The following USP47 variants were observed in gnomAD, a reference collection of about 807,000 sequenced individuals.
The protein encoded by USP47 is ubiquitin specific peptidase 47, also known as ubiquitin carboxyl-terminal hydrolase 47.
Under a neutral mutation model 165.1 loss-of-function variants are expected in USP47, and 35 were observed. The observed-to-expected ratio is 0.21, with a 90% CI of 0.16 to 0.28. The LOEUF is 0.28. USP47 is among the 10% of genes least tolerant of loss of function. USP47 has a pLI of 1.00. For synonymous variants in USP47, 531 were observed against 544.5 expected, an observed-to-expected ratio of 0.98 and a Z score of 0.35; for missense variants, 1,277 against 1,607.4, an observed-to-expected ratio of 0.79 and a Z score of 3.52.
chr11:11,892,837 AAAAG>A (rs1488252698), intron 4 of USP47, among the ~76,000 whole-genome samples: 1 of 150,582 alleles, frequency 6.6e-6, no homozygotes, highest in Non-Finnish European at 1.5e-5. Context: ...AAAAAAAAGA[AAAAG>A]AAAAAAAAAA....
chr11:11,907,853 T>C (rs1852674738), intron 8 of USP47, among the ~76,000 whole-genome samples: 1 of 152,174 alleles, frequency 6.6e-6, no homozygotes, highest in Admixed American at 6.5e-5. Flanking sequence ...CCCAGCACTT[T>C]AGAAAGCCGA....
intron 17 of USP47, among the ~76,000 whole-genome samples, chr11:11,937,223 G>A (rs77564718): frequency 0.023 from 3,478 of 151,902 alleles, 136 homozygotes; most frequent in African/African-American, 0.078. Context: ...GTAACAAATA[G>A]AAGAAAAGCA....
intron 1 of USP47, among the ~76,000 whole-genome samples, chr11:11,850,655 A>G (rs574017623): frequency 1.2e-4 from 19 of 152,264 alleles, no homozygotes; most frequent in South Asian, 2.1e-4. Context: ...TTGTGTGATT[A>G]TGGTTTTTTG....
chr11:11,868,022 C>T (rs375083316), intron 1 of USP47, among the ~76,000 whole-genome samples: 1 of 152,098 alleles, frequency 6.6e-6, no homozygotes, highest in South Asian at 2.1e-4. Context: ...CTTTCAGTCT[C>T]TAGGAAGGAG....
intron 3 of USP47, among the ~76,000 whole-genome samples, chr11:11,886,824 T>C (rs1851194191): frequency 6.6e-6 from 1 of 151,924 alleles, no homozygotes; most frequent in African/African-American, 2.4e-5. Flanking sequence ...AAATAAAAAA[T>C]GTTAAGGGTA....
At chr11:11,939,519 T>G (rs1054778513) in intron 18 of USP47, among the ~76,000 whole-genome samples, 4 of 152,090 alleles carry the variant, frequency 2.6e-5, no homozygotes, top group Admixed American at 2.0e-4. Context: ...ACAATTTTGC[T>G]AAAGTAATAA....
At chr11:11,870,481 A>AT (rs1849966632) in intron 1 of USP47, among the ~76,000 whole-genome samples, 2 of 151,708 alleles carry the variant, frequency 1.3e-5, no homozygotes, top group African/African-American at 4.8e-5. Flanking sequence ...TTCTTTGATG[A>AT]TTTCTCTTTT....
rs76930560 is a variant in USP47 at position 11,957,488 on chromosome 11, A to G, written c.*1313A>G. On this transcript the variant is annotated 3_prime_UTR_variant, in exon 28 of 28. Transcript: ENST00000527733. ...ATGCCAGATGCTGTTTACAACAATG[A>G]ACATGCCAATAAAACATTTGTTCAT... 1 of 152,676 alleles carries G rather than the reference A, an allele frequency of 6.5e-6. No individual in the cohort carries two copies. The highest frequency in any genetic ancestry group is 2.4e-5 in the African/African-American group (1 of 41,466). The allele number at this position is 152,676 out of a possible 1,614,324, so 9.5% of individuals were successfully genotyped here.
At chr11:11,864,062 T>G (rs1849530072) in intron 1 of USP47, among the ~76,000 whole-genome samples, 7 of 152,150 alleles carry the variant, frequency 4.6e-5, no homozygotes. Context: ...AAAATATGCA[T>G]ACAAACACAT....
intron 4 of USP47, among the ~76,000 whole-genome samples, chr11:11,893,094 T>A (rs936522671): frequency 5.3e-5 from 8 of 152,316 alleles, no homozygotes; most frequent in Non-Finnish European, 7.4e-5. Context: ...CTATGTTTTT[T>A]AATTTTTTCA....
intron 1 of USP47, among the ~76,000 whole-genome samples, chr11:11,875,066 TGTGTGTGTGTG>T (rs1564859518): frequency 9.2e-5 from 14 of 151,472 alleles, no homozygotes; most frequent in South Asian, 2.1e-4. Context: ...TGTGTGTGTG[TGTGTGTGTGTG>T]TGTGTTTAAA....
intron 22 of USP47, 154 bp downstream of exon 22, chr11:11,948,712 G>A: frequency 1.7e-6 from 1 of 605,190 alleles, no homozygotes; most frequent in Non-Finnish European, 2.9e-6. Context: ...TGCCTCTGTT[G>A]CAGTTACTCA....
Position 11,947,926 on chromosome 11 carries a change from G to C in USP47, c.3092-19G>C. 7.5e-7 allele frequency: 1 copy of C among 1,334,418 alleles called. No homozygotes were observed. Among genetic ancestry groups the C allele is most frequent in the Non-Finnish European group, 1.0e-6 (1 of 988,990 alleles). The allele number at this position is 1,334,418 out of a possible 1,614,324, so 82.7% of individuals were successfully genotyped here. On this transcript the variant is annotated intron_variant, in intron 20 of 27. Coordinates refer to ENST00000527733, the MANE Select transcript of USP47 (RefSeq NM_001282659.2). ...CTTTTACATTTTTGTTCCTGTTTTG[G>C]TTTTTTTTTTGTGCTTAGGGTTGAT...
In USP47 at chr11:11,929,414, C is replaced by G. The variant is rs200225040; in HGVS notation, c.1387-20C>G. 174 of 1,608,734 alleles carry G rather than the reference C, an allele frequency of 1.1e-4. No homozygotes were observed. The East Asian group carries it at 2.5e-3, about 23-fold the overall frequency. ...TGTGTTTTCCTTCTCCTCTGAGTTA[C>G]TTTTATTTTTTCCCCTTAGAATTCC... On this transcript the variant is annotated intron_variant, in intron 11 of 27. Coordinates refer to ENST00000527733, the MANE Select transcript of USP47 (RefSeq NM_001282659.2).
intron 1 of USP47, among the ~76,000 whole-genome samples, chr11:11,842,896 T>G (rs1848219867): frequency 6.6e-6 from 1 of 151,670 alleles, no homozygotes; most frequent in African/African-American, 2.4e-5. Context: ...GAGTGACTTC[T>G]TAAATTCTTA....
At chr11:11,925,634 G>T (rs1349861723) in intron 11 of USP47, among the ~76,000 whole-genome samples, 2 of 146,384 alleles carry the variant, frequency 1.4e-5, no homozygotes, top group Non-Finnish European at 1.5e-5. Flanking sequence ...ACTTGTTAGG[G>T]TTTTTTTTTT....
Position 11,880,363 on chromosome 11 carries a change from A to G in USP47, c.226A>G (p.Ile76Val). ...CTTTGACTTGGTGTGGGGAAATGGA[A>G]TCAATACTGCTGATATGGTAAAATC... ...GTFDLVWGNG[I>V]NTADMAPLDH... Residue 76 changes from isoleucine to valine, a missense_variant, in exon 2 of 28, where the codon ATC becomes GTC. Around this residue, in one of 4 missense-constraint regions of USP47, gnomAD observed 181 missense variants for 194.7 expected, o/e 0.93. Coordinates refer to ENST00000527733, the MANE Select transcript of USP47 (RefSeq NM_001282659.2). 1 of 1,339,644 alleles carries G rather than the reference A, an allele frequency of 7.5e-7. No individual in the cohort carries two copies. Among genetic ancestry groups the G allele is most frequent in the Non-Finnish European group, 9.5e-7 (1 of 1,050,036 alleles). 83.0% of individuals were successfully genotyped at this position (1,339,644 alleles called of 1,614,324 possible).
Position 11,920,415 on chromosome 11 carries a change from T to G in USP47, c.1139T>G (p.Met380Arg). ...AGATTCGATTTTGATTATACAACCA[T>G]GCATAGGATTAAACTGAATGATCGA... ...LKRFDFDYTT[M>R]HRIKLNDRMT... Residue 380 changes from methionine (M) to arginine (R), a missense_variant, in exon 10 of 28, where the codon ATG (methionine) becomes AGG (arginine). Met to Arg is a moderately conservative substitution (Grantham distance 91). Transcript: ENST00000527733. The G allele has an allele frequency of 6.2e-7, 1 of 1,611,756 alleles. No homozygotes were observed. Among genetic ancestry groups the G allele is most frequent in the East Asian group, 2.2e-5 (1 of 44,750 alleles).
chr11:11,936,362 G>A lies in USP47; in HGVS notation c.1929G>A (p.Glu643=). ...LDCCRLVKYD[E]FHDYLERSYE... ...GCTGTCGCCTTGTTAAATATGATGAGTTTCATGATTATCTAGAACGGTCAT... is the reference window on the plus strand; with the variant it reads ...GCTGTCGCCTTGTTAAATATGATGAATTTCATGATTATCTAGAACGGTCAT... Residue 643 remains glutamate, a synonymous_variant, in exon 17 of 28, where the codon GAG becomes GAA. Transcript: ENST00000527733. The A allele has an allele frequency of 6.2e-7, 1 of 1,609,166 alleles. No homozygotes were observed. Among genetic ancestry groups the A allele is most frequent in the Non-Finnish European group, 8.5e-7 (1 of 1,176,920 alleles).
Sources: allele counts gnomAD v4.1 joint callset (sites outside exome capture counted in the v4.1 genomes callset), GRCh38; gene constraint gnomAD v4.1.1; regional missense constraint gnomAD v4.1.1; transcripts MANE v1.5; gene names NCBI Gene and HGNC (gene_info 2026-07-23, HGNC 2026-07-21).